PARD6B: variants seen among roughly 807,000 people sequenced by gnomAD.
PARD6B encodes the protein partitioning defective 6 homolog beta.
PARD6B carries 4 observed loss-of-function variants against 10.5 expected under a neutral mutation model. The observed-to-expected ratio is 0.38, with a 90% CI of 0.19 to 0.87. The LOEUF (loss-of-function observed/expected upper bound fraction) is 0.87, where lower values mean the gene tolerates loss of function less well. PARD6B is among the 40% of genes least tolerant of loss of function. The pLI is 0.41. For missense variants in PARD6B, 396 were observed against 470.6 expected (o/e 0.84, Z 1.47); for synonymous variants, 169 against 170.4 (o/e 0.99, Z 0.07).
chr20:50,753,497 G>A lies in PARD6B; in HGVS notation c.*3009G>A. ...GTATCTTAAGTAAATTTATGATAATGTTCTCGAGCTATCAACAAAATATAT... is the reference window on the plus strand; with the variant it reads ...GTATCTTAAGTAAATTTATGATAATATTCTCGAGCTATCAACAAAATATAT... On this transcript the variant is annotated 3_prime_UTR_variant, in exon 3 of 3. Coordinates refer to ENST00000371610, the MANE Select transcript of PARD6B (RefSeq NM_032521.3). 1.0e-6 allele frequency: 1 copy of A among 967,656 alleles called. No homozygotes were observed. 59.9% of individuals were successfully genotyped at this position (967,656 alleles called of 1,614,324 possible).
intron 2 of PARD6B, among the ~76,000 whole-genome samples, chr20:50,747,313 T>G (rs770104944): frequency 1.3e-5 from 2 of 151,862 alleles, no homozygotes; most frequent in Non-Finnish European, 2.9e-5. Context: ...AATGAGGGGG[T>G]TTAGGATTAA....
chr20:50,742,047 A>G (rs1435695488), intron 2 of PARD6B, among the ~76,000 whole-genome samples: 1 of 152,004 alleles, frequency 6.6e-6, no homozygotes, highest in African/African-American at 2.4e-5. Flanking sequence ...TACACTTAAT[A>G]TGTACTGGTG....
chr20:50,742,749 A>G (rs560263382), intron 2 of PARD6B, among the ~76,000 whole-genome samples: 10 of 152,188 alleles, frequency 6.6e-5, no homozygotes, highest in Non-Finnish European at 1.5e-4. Flanking sequence ...TACTCTACTA[A>G]AATTTCTTTA....
At chr20:50,735,058 G>T (rs898164853) in intron 1 of PARD6B, among the ~76,000 whole-genome samples, 11 of 152,198 alleles carry the variant, frequency 7.2e-5, no homozygotes, top group African/African-American at 2.4e-4. Flanking sequence ...GCTGATGCAG[G>T]AGAATTGCTT....
rs190264843 is a variant in PARD6B at position 50,752,710 on chromosome 20, C to T, written c.*2222C>T. On this transcript the variant is annotated 3_prime_UTR_variant, in exon 3 of 3. Transcript: ENST00000371610. ...ACAACAATGAAGATTCAAATGACTCCGCTTTGAAGGATGTTTTCTCTATAT... is the reference window on the plus strand; with the variant it reads ...ACAACAATGAAGATTCAAATGACTCTGCTTTGAAGGATGTTTTCTCTATAT... The T allele has an allele frequency of 7.8e-5, 76 of 980,350 alleles. No homozygotes were observed. In the South Asian group the frequency reaches 1.0e-3, roughly 13 times the overall value. The allele number at this position is 980,350 out of a possible 1,614,324, so 60.7% of individuals were successfully genotyped here.
Position 50,749,342 on chromosome 20 carries a change from C to CA in PARD6B, c.290-303dup, listed in dbSNP as rs11086316. On this transcript the variant is annotated intron_variant, in intron 2 of 2. Transcript: ENST00000371610. ...TGGTCGACAGAGCGAGACTCCATCT[C>CA]AAAAAAAAAAAAAATATGTAAGATC... 1.8e-3 allele frequency among the ~76,000 whole-genome samples: 258 copies of CA among 145,808 alleles called. 1 individual carries two copies. Among genetic ancestry groups the CA allele is most frequent in the Admixed American group, 0.012 (174 of 14,744 alleles).
chr20:50,746,468 A>G (rs1183991654), intron 2 of PARD6B, among the ~76,000 whole-genome samples: 2 of 152,220 alleles, frequency 1.3e-5, no homozygotes, highest in South Asian at 2.1e-4. Flanking sequence ...GACAGTTGCT[A>G]TGATCAAGTT....
intron 1 of PARD6B, among the ~76,000 whole-genome samples, chr20:50,735,354 A>G (rs1484911603): frequency 6.6e-6 from 1 of 152,204 alleles, no homozygotes; most frequent in Non-Finnish European, 1.5e-5. Flanking sequence ...TTCTTAATCA[A>G]TAATCTTGAT....
chr20:50,735,298 T>C (rs2087494067), intron 1 of PARD6B, among the ~76,000 whole-genome samples: 1 of 152,254 alleles, frequency 6.6e-6, no homozygotes, highest in Non-Finnish European at 1.5e-5. Flanking sequence ...GACTTTTCTT[T>C]GGTAACTGTT....
chr20:50,743,030 G>A (rs1038037018), intron 2 of PARD6B, among the ~76,000 whole-genome samples: 1 of 152,102 alleles, frequency 6.6e-6, no homozygotes, highest in Non-Finnish European at 1.5e-5. Context: ...GGGAAGAGAA[G>A]GTACAGAATA....
Position 50,750,885 on chromosome 20 carries a change from T to C in PARD6B, c.*397T>C. On this transcript the variant is annotated 3_prime_UTR_variant, in exon 3 of 3. Coordinates refer to ENST00000371610, the MANE Select transcript of PARD6B (RefSeq NM_032521.3). ...ATTTTTAAAATTCTAATGTGAAGTC[T>C]GATTCTCTCTTGTGGTACATTGGGG... is the stretch of plus-strand genomic sequence containing the variant. 1 of 993,894 alleles carries C rather than the reference T, an allele frequency of 1.0e-6. No individual in the cohort carries two copies. Among genetic ancestry groups the C allele is most frequent in the Non-Finnish European group, 1.2e-6 (1 of 833,870 alleles). The allele number at this position is 993,894 out of a possible 1,614,324, so 61.6% of individuals were successfully genotyped here.
At chr20:50,734,081 G>A (rs566552926) in intron 1 of PARD6B, among the ~76,000 whole-genome samples, 4 of 152,300 alleles carry the variant, frequency 2.6e-5, no homozygotes, top group African/African-American at 9.6e-5. Flanking sequence ...TGTGCTGAAT[G>A]AAGTCGGTCC....
Position 50,753,161 on chromosome 20 carries a change from A to G in PARD6B, c.*2673A>G. The stretch of plus-strand genomic sequence containing the variant: ...CTTTTTGTACAAATTTTAACTGTAA[A>G]ATACAGATTTATCTTGTACGCATTC... On this transcript the variant is annotated 3_prime_UTR_variant, in exon 3 of 3. Coordinates refer to ENST00000371610, the MANE Select transcript of PARD6B (RefSeq NM_032521.3). 3.0e-6 allele frequency: 3 copies of G among 985,110 alleles called. No individual in the cohort carries two copies. Among genetic ancestry groups the G allele is most frequent in the Non-Finnish European group, 3.6e-6 (3 of 829,306 alleles). The allele number at this position is 985,110 out of a possible 1,614,324, so 61.0% of individuals were successfully genotyped here.
At position 50,752,325 on chromosome 20, in the gene PARD6B, T is replaced by C; in HGVS notation, c.*1837T>C. ...CACATAGGACAAACTTGTGCACTTT[T>C]TATGCCAAAAAAAAAAAAAATTGGG... On this transcript the variant is annotated 3_prime_UTR_variant, in exon 3 of 3. Coordinates refer to ENST00000371610, the MANE Select transcript of PARD6B (RefSeq NM_032521.3). 1 of 939,214 alleles carries C rather than the reference T, an allele frequency of 1.1e-6. No homozygotes were observed. The highest frequency in any genetic ancestry group is 1.2e-6 in the Non-Finnish European group (1 of 814,666). 58.2% of individuals were successfully genotyped at this position (939,214 alleles called of 1,614,324 possible).
At chr20:50,737,545 C>T (rs1407770682) in intron 1 of PARD6B, among the ~76,000 whole-genome samples, 1 of 152,132 alleles carries the variant, frequency 6.6e-6, no homozygotes, top group Non-Finnish European at 1.5e-5. Flanking sequence ...AGTCTGGGCT[C>T]CAGACAGGGT....
intron 1 of PARD6B, among the ~76,000 whole-genome samples, chr20:50,734,350 G>A (rs540077022): frequency 4.0e-5 from 6 of 151,828 alleles, no homozygotes; most frequent in African/African-American, 7.2e-5. Context: ...GTAGTGTGCC[G>A]GTCCTTTTTT....
chr20:50,750,111 C>G lies in PARD6B; in HGVS notation c.742C>G (p.Pro248Ala). 6.2e-7 allele frequency: 1 copy of G among 1,614,150 alleles called. No homozygotes were observed. Among genetic ancestry groups the G allele is most frequent in the Non-Finnish European group, 8.5e-7 (1 of 1,180,038 alleles). ...CCGTAACCTCATCATAACAGTGAGA[C>G]CGGCAAACCAGAGGAATAATGTTGT... ...NSRNLIITVR[P>A]ANQRNNVVRN... The change falls in exon 3 of 3, where the codon CCG (proline) becomes GCG (alanine). Residue 248 changes from proline to alanine, a missense_variant. Transcript: ENST00000371610.
At chr20:50,734,695 T>A (rs554533479) in intron 1 of PARD6B, among the ~76,000 whole-genome samples, 21 of 152,146 alleles carry the variant, frequency 1.4e-4, no homozygotes, top group African/African-American at 4.3e-4. Flanking sequence ...AATTTTTTTT[T>A]ATCTTTTTAG....
In PARD6B at chr20:50,753,557, T is replaced by C; in HGVS notation, c.*3069T>C. 1 of 881,644 alleles carries C rather than the reference T, an allele frequency of 1.1e-6. No homozygotes were observed. The highest frequency in any genetic ancestry group is 1.4e-6 in the Non-Finnish European group (1 of 735,156). The allele number at this position is 881,644 out of a possible 1,614,324, so 54.6% of individuals were successfully genotyped here. On this transcript the variant is annotated 3_prime_UTR_variant, in exon 3 of 3. Coordinates refer to ENST00000371610, the MANE Select transcript of PARD6B (RefSeq NM_032521.3). ...TGAGCTATGAATTTTCTAATTAAAT[T>C]TTACATGCTATAACATGATTTTTAC...
Sources: allele counts gnomAD v4.1 joint callset (sites outside exome capture counted in the v4.1 genomes callset), GRCh38; gene constraint gnomAD v4.1.1; transcripts MANE v1.5; gene names NCBI Gene and HGNC (gene_info 2026-07-23, HGNC 2026-07-21).